The following PFKFB3 variants were observed in gnomAD, a reference collection of about 807,000 sequenced individuals.
The protein encoded by PFKFB3 is 6-phosphofructo-2-kinase/fructose-2,6-biphosphatase 3.
A neutral mutation model predicts 68.0 loss-of-function variants in PFKFB3; 33 were observed. The ratio of observed to expected loss-of-function variants is 0.49; its 90% CI spans 0.37 to 0.65. The LOEUF (loss-of-function observed/expected upper bound fraction) is 0.65, where lower values mean the gene tolerates loss of function less well. PFKFB3 is among the 30% of genes least tolerant of loss of function. The pLI is 0.00. For missense variants in PFKFB3, 586 were observed against 712.2 expected (o/e 0.82, Z 2.02); for synonymous variants, 315 against 288.2 (o/e 1.09, Z -0.94).
chr10:6,204,306 C>G (rs1843547245), intron 1 of PFKFB3, among the ~76,000 whole-genome samples: 1 of 152,276 alleles, frequency 6.6e-6, no homozygotes, highest in South Asian at 2.1e-4. Context: ...TTGCCCAGGT[C>G]AGGTCGTAGC....
chr10:6,221,281 C>T (rs1387542735), intron 8 of PFKFB3, 100 bp from the exon 9 acceptor site: 2 of 1,429,522 alleles, frequency 1.4e-6, no homozygotes, highest in African/African-American at 2.8e-5. Flanking sequence ...ACGGTGTAAC[C>T]AGGTAGTGCA....
chr10:6,297,473 G>T, the PFKFB3 span, among the ~76,000 whole-genome samples: 4 of 152,148 alleles, frequency 2.6e-5, no homozygotes, highest in East Asian at 7.7e-4. Context: ...GTGCAGATGA[G>T]AATCAGGAGA....
rs1841993413 is a variant in PFKFB3 at position 6,162,256 on chromosome 10, A to C, written c.16+17243A>C. Among the ~76,000 whole-genome samples, 3 of 152,218 alleles carry C rather than the reference A, an allele frequency of 2.0e-5. No individual in the cohort carries two copies. The South Asian group carries it at 6.2e-4, about 31-fold the overall frequency. On this transcript the variant is annotated intron_variant, in intron 1 of 14. Transcript: ENST00000379789. ...AGGCGGAGTAATGTTCTGTGTGTTT[A>C]GTCACATTTTGTGTATCCATTCATC...
rs1434980088 is a variant in PFKFB3, at chr10:6,249,114, C to T, written c.1516-5064C>T. The stretch of plus-strand genomic sequence containing the variant: ...GCTTGAACCCAGAAGGTGGAAGTTG[C>T]GGTGAGCTGAGATTGCGCCATTGCA... On this transcript the variant is annotated intron_variant, in intron 14 of 14. Coordinates refer to the PFKFB3 transcript ENST00000640683. Among the ~76,000 whole-genome samples, 5 of 137,834 alleles carry T rather than the reference C, an allele frequency of 3.6e-5. No individual in the cohort carries two copies. In the South Asian group the frequency reaches 9.6e-4, roughly 27 times the overall value. The allele number at this position is 137,834 out of a possible 152,430, so 90.4% of individuals were successfully genotyped here. A position where few individuals can be genotyped will look rare whatever the true frequency, so the allele number is the denominator to read the frequency against.
chr10:6,270,216 G>A, the PFKFB3 span, among the ~76,000 whole-genome samples: 7 of 152,144 alleles, frequency 4.6e-5, no homozygotes, highest in Non-Finnish European at 8.8e-5. Context: ...CATGGGACAA[G>A]AATTCTGTGC....
intron 1 of PFKFB3, among the ~76,000 whole-genome samples, chr10:6,210,355 TG>T (rs1230793958): frequency 0.48 from 17,856 of 37,560 alleles, 5,598 homozygotes; most frequent in Non-Finnish European, 0.74. Flanking sequence ...TGTTTTTTTT[TG>T]TTTTTTTGTT....
chr10:6,231,183 C>T (rs1845715884), intron 14 of PFKFB3: 1 of 1,025,226 alleles, frequency 9.8e-7, no homozygotes, highest in South Asian at 1.3e-5. Flanking sequence ...CAAATGCACA[C>T]TAGAAAATCC....
the PFKFB3 span, among the ~76,000 whole-genome samples, chr10:6,301,745 G>A: frequency 1.3e-5 from 2 of 152,204 alleles, no homozygotes; most frequent in Non-Finnish European, 2.9e-5. Flanking sequence ...CCAGGTGAAA[G>A]GGAGCTCTAA....
the PFKFB3 span, among the ~76,000 whole-genome samples, chr10:6,273,820 C>T: frequency 6.6e-6 from 1 of 152,170 alleles, no homozygotes; most frequent in African/African-American, 2.4e-5. Context: ...CAAGGACAGA[C>T]ACCTGGATAG....
intron 14 of PFKFB3, among the ~76,000 whole-genome samples, chr10:6,251,503 G>C (rs1050340583): frequency 9.9e-5 from 15 of 152,208 alleles, no homozygotes; most frequent in African/African-American, 3.6e-4. Context: ...GTACATTTCA[G>C]TTGGAAGCAA....
intron 6 of PFKFB3, among the ~76,000 whole-genome samples, chr10:6,219,201 G>C (rs1181686648): frequency 2.0e-5 from 3 of 152,244 alleles, no homozygotes; most frequent in African/African-American, 7.2e-5. Context: ...CTCCCGGCAC[G>C]GGGAGCATTG....
chr10:6,279,610 T>C, the PFKFB3 span, among the ~76,000 whole-genome samples: 1 of 152,148 alleles, frequency 6.6e-6, no homozygotes, highest in Non-Finnish European at 1.5e-5. Context: ...GGAATGTCTC[T>C]CCGTCTCTCC....
intron 14 of PFKFB3, among the ~76,000 whole-genome samples, chr10:6,241,419 C>A (rs954225085): frequency 1.3e-5 from 2 of 152,186 alleles, no homozygotes; most frequent in Admixed American, 6.5e-5. Context: ...TGGTATTTTT[C>A]CCCTTCAACT....
At chr10:6,247,196 G>A (rs555705589) in intron 14 of PFKFB3, among the ~76,000 whole-genome samples, 2 of 152,346 alleles carry the variant, frequency 1.3e-5, no homozygotes, top group African/African-American at 4.8e-5. Context: ...GGTGGGGCCA[G>A]TGTTTCTTTT....
the PFKFB3 span, among the ~76,000 whole-genome samples, chr10:6,306,100 C>T: frequency 6.6e-6 from 1 of 152,160 alleles, no homozygotes; most frequent in Admixed American, 6.5e-5. Context: ...CAGGTGTGAT[C>T]AGTGCTCATG....
chr10:6,303,881 A>G, the PFKFB3 span, among the ~76,000 whole-genome samples: 1 of 152,104 alleles, frequency 6.6e-6, no homozygotes, highest in Non-Finnish European at 1.5e-5. Flanking sequence ...ATAGAACAGA[A>G]CAGGAGTGAA....
At position 6,156,125 on chromosome 10, in the gene PFKFB3, ATATATG is replaced by A. The variant is rs1278325975; in HGVS notation, c.16+11114_16+11119del. Among the ~76,000 whole-genome samples the A allele has an allele frequency of 1.1e-4, 8 of 76,064 alleles. No homozygotes were observed. The Admixed American group carries it at 1.3e-3, about 12-fold the overall frequency. The allele number at this position is 76,064 out of a possible 152,430, so 49.9% of individuals were successfully genotyped here. ...GAAGAGATATTATATATATGTACAT[ATATATG>A]TGTGTGTGTGTGTGTGTGTGTGTGT... On this transcript the variant is annotated intron_variant, in intron 1 of 14. Transcript: ENST00000379789.
chr10:6,168,377 T>C (rs1315981715), intron 1 of PFKFB3, among the ~76,000 whole-genome samples: 1 of 152,242 alleles, frequency 6.6e-6, no homozygotes, highest in African/African-American at 2.4e-5. Flanking sequence ...TCAGTCAGCC[T>C]TCCTGGGTTC....
chr10:6,174,721 G>T (rs1842411901), intron 1 of PFKFB3, among the ~76,000 whole-genome samples: 2 of 152,196 alleles, frequency 1.3e-5, no homozygotes. Context: ...TGATCTCCGT[G>T]CAGCCCTCCC....
Sources: gnomAD v4.1 joint callset for allele counts (sites outside exome capture counted in the v4.1 genomes callset) on GRCh38, gnomAD v4.1.1 for gene constraint, MANE v1.5 for transcripts, NCBI Gene and HGNC (gene_info 2026-07-23, HGNC 2026-07-21) for gene names.